NUAK2: variants seen among roughly 807,000 people sequenced by gnomAD.
NUAK2 encodes NUAK family kinase 2.
Under a neutral mutation model 29.8 loss-of-function variants are expected in NUAK2, and 20 were observed. The observed-to-expected ratio is 0.67, with a 90% CI of 0.47 to 0.98. NUAK2 has a LOEUF of 0.98. Ranked by LOEUF, NUAK2 falls within the 50% of genes least tolerant of loss-of-function variation. The pLI is 0.00. For missense variants in NUAK2, 719 were observed against 834.5 expected (o/e 0.86, Z 1.71); for synonymous variants, 331 against 342.6 (o/e 0.97, Z 0.37).
intron 1 of NUAK2, among the ~76,000 whole-genome samples, chr1:205,317,721 G>A (rs1040783166): frequency 1.3e-5 from 2 of 152,250 alleles, no homozygotes; most frequent in Non-Finnish European, 2.9e-5. Context: ...CAGGTGCAGA[G>A]GGAGCTGGGA....
In NUAK2 at chr1:205,308,288, G is replaced by A; in HGVS notation, c.505-58C>T. 2 of 1,297,208 alleles carry A rather than the reference G, an allele frequency of 1.5e-6. No homozygotes were observed. Among genetic ancestry groups the A allele is most frequent in the South Asian group, 1.4e-5 (1 of 72,898 alleles). 80.4% of individuals were successfully genotyped at this position (1,297,208 alleles called of 1,614,324 possible). A position where few individuals can be genotyped will look rare whatever the true frequency, so the allele number is the denominator to read the frequency against. Reference sequence around the variant, plus strand: ...CACCAGGGAAGGGAAGATGATGAGGGGCCCAGTCTGGAGACTGAGGTAAAC... The same window carrying A: ...CACCAGGGAAGGGAAGATGATGAGGAGCCCAGTCTGGAGACTGAGGTAAAC... On this transcript the variant is annotated intron_variant, in intron 3 of 6. Transcript: ENST00000367157. The surrounding 1 kb of genome is among the most constrained non-coding windows in gnomAD (Gnocchi z 4.1).
chr1:205,304,099 T>C lies in NUAK2; in HGVS notation c.1238A>G (p.Lys413Arg). Residue 413 changes from lysine to arginine, a missense_variant, in exon 7 of 7, where the codon AAG becomes AGG. Lys to Arg is a conservative substitution (Grantham distance 26). Transcript: ENST00000367157. This position sits in a 1 kb window ranked among gnomAD's most constrained non-coding sequence, Gnocchi z 6.5. ...NLKLPKGILK[K>R]KVSASAEGVQ... ...CCCTTCTGCAGAGGCTGACACCTTC[T>C]TCTTGAGAATGCCCTTTGGCAGCTT... 1 of 1,614,202 alleles carries C rather than the reference T, an allele frequency of 6.2e-7. No individual in the cohort carries two copies. Among genetic ancestry groups the C allele is most frequent in the Non-Finnish European group, 8.5e-7 (1 of 1,180,028 alleles).
chr1:205,305,083 A>G, intron 6 of NUAK2, 116 bp downstream of exon 6: 1 of 1,351,472 alleles, frequency 7.4e-7, no homozygotes, highest in East Asian at 2.4e-5. Flanking sequence ...CTAACCTACC[A>G]TGGGCCATGA....
At chr1:205,319,560 C>T (rs542570650) in intron 1 of NUAK2, among the ~76,000 whole-genome samples, 16 of 152,292 alleles carry the variant, frequency 1.1e-4, no homozygotes, top group African/African-American at 3.1e-4. Flanking sequence ...CCCCAAGAGG[C>T]ACGAAGCACA....
rs2102642902 is a variant in NUAK2 at position 205,303,839 on chromosome 1, C to T, written c.1498G>A (p.Gly500Ser). The T allele has an allele frequency of 6.2e-7, 1 of 1,608,802 alleles. No individual in the cohort carries two copies. Among genetic ancestry groups the T allele is most frequent in the Non-Finnish European group, 8.5e-7 (1 of 1,177,510 alleles). ...AACTTGCCATTGAGTTTGAGGATGC[C>T]TTTGCGATGGAGGAGCAGCCCTGAA... ...QASGLLLHRK[G>S]ILKLNGKFSQ... The change falls in exon 7 of 7, where the codon GGC becomes AGC. Residue 500 changes from glycine (G) to serine (S), a missense_variant. Gly to Ser is a moderately conservative substitution (Grantham distance 56, BLOSUM62 0). Coordinates refer to ENST00000367157, the MANE Select transcript of NUAK2 (RefSeq NM_030952.3).
chr1:205,307,991 A>T (rs1662204989), intron 4 of NUAK2, 174 bp downstream of exon 4: 3 of 537,532 alleles, frequency 5.6e-6, no homozygotes, highest in Non-Finnish European at 9.9e-6. Flanking sequence ...CTCTCCATCC[A>T]CACAATGAGG....
chr1:205,306,445 C>T (rs1207550744), intron 4 of NUAK2, 138 bp from the exon 5 acceptor site: 7 of 1,086,264 alleles, frequency 6.4e-6, no homozygotes, highest in East Asian at 2.5e-5. Context: ...CCTTACCCCA[C>T]ACTGAGCACT....
Position 205,304,440 on chromosome 1 carries a change from A to G in NUAK2, c.897T>C (p.Ser299=), listed in dbSNP as rs769747517. The change falls in exon 7 of 7, where the codon AGT becomes AGC. Residue 299 remains serine (S), a synonymous_variant. Coordinates refer to ENST00000367157, the MANE Select transcript of NUAK2 (RefSeq NM_030952.3). This position sits in a 1 kb window ranked among gnomAD's most constrained non-coding sequence, Gnocchi z 6.5. ...CGTAGCCCCAGTTGACCCACCAGTG[A>G]CTGGCCACATCCTCCAGGGTGGCCC... ...TRRATLEDVA[S]HWWVNWGYAT... 2 of 1,575,294 alleles carry G rather than the reference A, an allele frequency of 1.3e-6. No individual in the cohort carries two copies. Among genetic ancestry groups the G allele is most frequent in the Non-Finnish European group, 1.7e-6 (2 of 1,158,502 alleles).
Position 205,308,503 on chromosome 1 carries a change from A to G in NUAK2, c.504+78T>C. The G allele has an allele frequency of 6.7e-7, 1 of 1,484,640 alleles. No individual in the cohort carries two copies. Among genetic ancestry groups the G allele is most frequent in the Non-Finnish European group, 9.3e-7 (1 of 1,074,152 alleles). 92.0% of individuals were successfully genotyped at this position (1,484,640 alleles called of 1,614,324 possible). On this transcript the variant is annotated intron_variant, in intron 3 of 6. Coordinates refer to ENST00000367157, the MANE Select transcript of NUAK2 (RefSeq NM_030952.3). The surrounding 1 kb of genome is among the most constrained non-coding windows in gnomAD (Gnocchi z 4.1). Reference sequence around the variant, plus strand: ...CTGTGTGATCCTGGACAAGTCATGGAACCTCTCTGGTCCAAAACAGCCCTA... The same window carrying G: ...CTGTGTGATCCTGGACAAGTCATGGGACCTCTCTGGTCCAAAACAGCCCTA...
Position 205,303,526 on chromosome 1 carries a change from C to T in NUAK2, c.1811G>A (p.Cys604Tyr). ...RWRQDPLGDS[C>Y]FSLTDCQEVT... ...CTCCTGGCAGTCTGTCAGGGAAAAGCAGCTGTCCCCCAAAGGATCCTGCCG... is the reference window on the plus strand; with the variant it reads ...CTCCTGGCAGTCTGTCAGGGAAAAGTAGCTGTCCCCCAAAGGATCCTGCCG... Residue 604 changes from cysteine (C) to tyrosine (Y), a missense_variant, in exon 7 of 7, where the codon TGC becomes TAC. Cys to Tyr is a radical substitution (Grantham distance 194). Coordinates refer to ENST00000367157, the MANE Select transcript of NUAK2 (RefSeq NM_030952.3). The T allele has an allele frequency of 6.2e-7, 1 of 1,613,314 alleles. No individual in the cohort carries two copies. Among genetic ancestry groups the T allele is most frequent in the South Asian group, 1.1e-5 (1 of 90,920 alleles).
chr1:205,311,035 C>T (rs1207840132), intron 2 of NUAK2, among the ~76,000 whole-genome samples: 2 of 152,220 alleles, frequency 1.3e-5, no homozygotes. Context: ...AGTCTCGACG[C>T]AGACAGGTGT....
Position 205,302,236 on chromosome 1 carries a change from A to AT in NUAK2, c.*1213dup, listed in dbSNP as rs1662083965. ...ACACAAAACTTAGATGTCATAGTGG[A>AT]TTTTCCCAGAACATAGCATTCACAT... is the stretch of plus-strand genomic sequence containing the variant. On this transcript the variant is annotated 3_prime_UTR_variant, in exon 7 of 7. Transcript: ENST00000367157. 6.6e-6 allele frequency: 1 copy of AT among 152,624 alleles called. No homozygotes were observed. Among genetic ancestry groups the AT allele is most frequent in the South Asian group, 2.1e-4 (1 of 4,838 alleles). 9.5% of individuals were successfully genotyped at this position (152,624 alleles called of 1,614,324 possible). A position where few individuals can be genotyped will look rare whatever the true frequency, so the allele number is the denominator to read the frequency against.
At chr1:205,321,367 G>GC in intron 1 of NUAK2, 31 bp downstream of exon 1, 1 of 1,578,738 alleles carries the variant, frequency 6.3e-7, no homozygotes, top group Non-Finnish European at 8.6e-7. Context: ...GCCGGAGCCC[G>GC]CCCCGCGCCG....
At position 205,310,585 on chromosome 1, in the gene NUAK2, A is replaced by T. The variant is rs1248367512; in HGVS notation, c.352+1120T>A. On this transcript the variant is annotated intron_variant, in intron 2 of 6. Coordinates refer to ENST00000367157, the MANE Select transcript of NUAK2 (RefSeq NM_030952.3). ...AGTGTAAGGCACAATTCACACACAC[A>T]TGCACACGCACACACATGCAGACAC... Among the ~76,000 whole-genome samples, 3 of 152,272 alleles carry T rather than the reference A, an allele frequency of 2.0e-5. No individual in the cohort carries two copies. In the East Asian group the frequency reaches 5.8e-4, roughly 29 times the overall value.
At chr1:205,313,587 C>T (rs946528007) in intron 1 of NUAK2, among the ~76,000 whole-genome samples, 12 of 152,178 alleles carry the variant, frequency 7.9e-5, no homozygotes, top group Admixed American at 7.2e-4. Flanking sequence ...GCCTGAGGCG[C>T]GGAGCTGGGG....
intron 1 of NUAK2, 152 bp from the exon 2 acceptor site, chr1:205,311,977 G>T: frequency 1.0e-6 from 1 of 956,936 alleles, no homozygotes; most frequent in Non-Finnish European, 1.5e-6. Context: ...GTGGCAGAGA[G>T]GCTGGAGAGC....
At chr1:205,318,810 T>C (rs1484957451) in intron 1 of NUAK2, among the ~76,000 whole-genome samples, 6 of 152,346 alleles carry the variant, frequency 3.9e-5, no homozygotes, top group East Asian at 3.9e-4. Flanking sequence ...TGTTTTTCCT[T>C]TGATGTCCTC....
chr1:205,308,125 G>A lies in NUAK2; in HGVS notation c.570+40C>T, dbSNP rs1662206558. 2.1e-6 allele frequency: 3 copies of A among 1,397,412 alleles called. No homozygotes were observed. The highest frequency in any genetic ancestry group is 3.0e-6 in the Non-Finnish European group (3 of 989,142). 86.6% of individuals were successfully genotyped at this position (1,397,412 alleles called of 1,614,324 possible). On this transcript the variant is annotated intron_variant, in intron 4 of 6. Transcript: ENST00000367157. The surrounding 1 kb of genome is among the most constrained non-coding windows in gnomAD (Gnocchi z 4.1). ...CTGGGGACAGTGCAGAAAAGCTGGG[G>A]TGGGCAAGGAGGCTTCTAGAAATAA... is the stretch of plus-strand genomic sequence containing the variant.
intron 1 of NUAK2, among the ~76,000 whole-genome samples, chr1:205,315,599 G>A (rs1176405699): frequency 3.3e-5 from 5 of 152,294 alleles, no homozygotes; most frequent in Admixed American, 6.5e-5. Context: ...TAGGCTGGGC[G>A]CAGTGGCTCA....
Sources: allele counts gnomAD v4.1 joint callset (sites outside exome capture counted in the v4.1 genomes callset), GRCh38; gene constraint gnomAD v4.1.1; non-coding constraint Gnocchi (gnomAD v3.1); transcripts MANE v1.5; gene names NCBI Gene and HGNC (gene_info 2026-07-23, HGNC 2026-07-21).